Variants in ZDHHC23 observed in about 807,000 individuals in gnomAD.
ZDHHC23 encodes palmitoyltransferase ZDHHC23.
A neutral mutation model predicts 40.2 loss-of-function variants in ZDHHC23; 41 were observed. The ratio of observed to expected loss-of-function variants is 1.02; its 90% CI spans 0.79 to 1.32. ZDHHC23 has a LOEUF of 1.32. ZDHHC23 is among the 40% of genes most tolerant of loss of function. The pLI, the probability that ZDHHC23 is intolerant of heterozygous loss-of-function variation, is 0.00. For missense variants in ZDHHC23, 471 were observed against 541.5 expected, an observed-to-expected ratio of 0.87 and a Z score of 1.29; for synonymous variants, 204 against 210.2, an observed-to-expected ratio of 0.97 and a Z score of 0.26.
the ZDHHC23 span, among the ~76,000 whole-genome samples, chr3:113,975,691 G>A: frequency 6.6e-6 from 1 of 152,150 alleles, no homozygotes; most frequent in South Asian, 2.1e-4. Flanking sequence ...TGGTTAGGGA[G>A]GTGACATTTA....
the ZDHHC23 span, among the ~76,000 whole-genome samples, chr3:113,973,596 G>GTT: frequency 2.0e-3 from 285 of 145,564 alleles, 4 homozygotes; most frequent in East Asian, 0.016. Flanking sequence ...TGGATGGCAG[G>GTT]TTTTTTTTTT....
At chr3:113,975,129 A>G in the ZDHHC23 span, among the ~76,000 whole-genome samples, 1 of 152,268 alleles carries the variant, frequency 6.6e-6, no homozygotes, top group South Asian at 2.1e-4. Context: ...ATTACTACCT[A>G]CTTCATGTTC....
the ZDHHC23 span, among the ~76,000 whole-genome samples, chr3:113,975,000 G>A: frequency 6.6e-6 from 1 of 152,260 alleles, no homozygotes; most frequent in South Asian, 2.1e-4. Flanking sequence ...TAATAAGTAT[G>A]ATTTAAGTCA....
the ZDHHC23 span, among the ~76,000 whole-genome samples, chr3:113,971,680 G>A: frequency 1.3e-5 from 2 of 152,058 alleles, no homozygotes; most frequent in African/African-American, 4.8e-5. Flanking sequence ...GGCTAATGCT[G>A]GCCTGATAGA....
chr3:113,958,848 T>G lies in ZDHHC23; in HGVS notation c.*218T>G. 2.2e-6 allele frequency: 3 copies of G among 1,368,530 alleles called. No homozygotes were observed. Among genetic ancestry groups the G allele is most frequent in the African/African-American group, 1.4e-5 (1 of 69,030 alleles). 84.8% of individuals were successfully genotyped at this position (1,368,530 alleles called of 1,614,324 possible). ...TAAAAGTAGAGCCATTCCTTTCCAG[T>G]CACCTTTTTAATTGACTCAGTTGCC... On this transcript the variant is annotated 3_prime_UTR_variant, in exon 5 of 5. Coordinates refer to ENST00000638807, the MANE Select transcript of ZDHHC23 (RefSeq NM_001320466.2).
rs375992605 is a variant in ZDHHC23 at position 113,958,350 on chromosome 3, T to C, written c.1041-13T>C. ...AAAAACGGCAGCCCTGACAGCCTTTTTCCCTCTCCTAGCTCGGCTCTGTCC... is the reference window on the plus strand; with the variant it reads ...AAAAACGGCAGCCCTGACAGCCTTTCTCCCTCTCCTAGCTCGGCTCTGTCC... On this transcript the variant is annotated splice_polypyrimidine_tract_variant and intron_variant, in intron 4 of 4. Coordinates refer to ENST00000638807, the MANE Select transcript of ZDHHC23 (RefSeq NM_001320466.2). 4 of 1,591,654 alleles carry C rather than the reference T, an allele frequency of 2.5e-6. No homozygotes were observed. The African/African-American group carries it at 5.4e-5, about 21-fold the overall frequency.
rs1444367624 is a variant in ZDHHC23 at position 113,959,558 on chromosome 3, G to T, written c.*928G>T. 1 of 1,265,986 alleles carries T rather than the reference G, an allele frequency of 7.9e-7. No homozygotes were observed. 78.4% of individuals were successfully genotyped at this position (1,265,986 alleles called of 1,614,324 possible). On this transcript the variant is annotated 3_prime_UTR_variant, in exon 5 of 5. Transcript: ENST00000638807. ...CACACTTGTGACTGTGGCTGGAAGA[G>T]GAGAACAGACACTCCTGTGGGGATG...
At chr3:113,952,229 GC>G (rs981389791) in intron 2 of ZDHHC23, among the ~76,000 whole-genome samples, 99 of 152,250 alleles carry the variant, frequency 6.5e-4, no homozygotes, top group African/African-American at 2.2e-3. Context: ...GATTTCTACT[GC>G]CAAATATTCA....
chr3:113,960,859 C>A lies in ZDHHC23; in HGVS notation c.*2229C>A, dbSNP rs1939633860. ...TGGACAGTTGACAGAATGCTTAAAC[C>A]TGTCAAAAGATGAGTGATCTTGTGT... On this transcript the variant is annotated 3_prime_UTR_variant, in exon 5 of 5. Transcript: ENST00000638807. The A allele has an allele frequency of 7.1e-7, 1 of 1,414,902 alleles. No individual in the cohort carries two copies. Among genetic ancestry groups the A allele is most frequent in the Non-Finnish European group, 9.3e-7 (1 of 1,071,402 alleles). 87.6% of individuals were successfully genotyped at this position (1,414,902 alleles called of 1,614,324 possible).
intron 2 of ZDHHC23, among the ~76,000 whole-genome samples, chr3:113,950,539 G>C (rs541544666): frequency 6.6e-6 from 1 of 151,908 alleles, no homozygotes; most frequent in East Asian, 1.9e-4. Flanking sequence ...CCTCCTTAAG[G>C]TCTCACCTCT....
the ZDHHC23 span, chr3:113,978,746 C>A: frequency 1.4e-5 from 17 of 1,178,670 alleles, no homozygotes; most frequent in African/African-American, 1.1e-4. Flanking sequence ...ATTGACTACT[C>A]TTTTGTTCTT....
In ZDHHC23 at chr3:113,959,508, C is replaced by T. The variant is rs543171480; in HGVS notation, c.*878C>T. The T allele has an allele frequency of 1.0e-5, 13 of 1,276,218 alleles. No individual in the cohort carries two copies. The Admixed American group carries it at 2.5e-4, about 25-fold the overall frequency. 79.1% of individuals were successfully genotyped at this position (1,276,218 alleles called of 1,614,324 possible). ...GGCATTCATGTGTTTTTCCTCTTCC[C>T]ATGTTTCACCAGGTAAGGTGCTAGC... On this transcript the variant is annotated 3_prime_UTR_variant, in exon 5 of 5. Transcript: ENST00000638807.
chr3:113,978,795 T>C, the ZDHHC23 span: 4 of 1,535,032 alleles, frequency 2.6e-6, no homozygotes, highest in South Asian at 1.2e-5. Context: ...GGATTTCATT[T>C]AGTTTTCTTA....
At position 113,954,350 on chromosome 3, in the gene ZDHHC23, G is replaced by A. The variant is rs1248132766; in HGVS notation, c.812G>A (p.Arg271Gln). ...CAKCQLVRPA[R>Q]AWHCRICGIC... is the part of the protein sequence containing the mutation. Reference sequence around the variant, plus strand: ...AAGTGCCAGCTGGTGCGACCAGCCCGGGCATGGCACTGCCGGATATGTGGC... The same window carrying A: ...AAGTGCCAGCTGGTGCGACCAGCCCAGGCATGGCACTGCCGGATATGTGGC... Residue 271 changes from arginine to glutamine, a missense_variant, in exon 3 of 5, where the codon CGG becomes CAG. Physicochemically the swap from Arg to Gln is conservative, Grantham distance 43 (BLOSUM62 1). Transcript: ENST00000638807. 2.5e-6 allele frequency: 4 copies of A among 1,613,184 alleles called. No individual in the cohort carries two copies. The highest frequency in any genetic ancestry group is 1.1e-5 in the South Asian group (1 of 91,020).
At chr3:113,956,204 G>A (rs1157425940) in intron 3 of ZDHHC23, 135 bp from the exon 4 acceptor site, 16 of 906,214 alleles carry the variant, frequency 1.8e-5, no homozygotes, top group Admixed American at 2.5e-5. Context: ...CCAAGATCGC[G>A]CCATTGCACT....
chr3:113,978,166 CCTCA>C, the ZDHHC23 span: 5 of 1,612,852 alleles, frequency 3.1e-6, no homozygotes, highest in East Asian at 2.2e-5. Flanking sequence ...AGTGAATTTT[CCTCA>C]CTATCAAAAC....
the ZDHHC23 span, among the ~76,000 whole-genome samples, chr3:113,970,798 A>G: frequency 3.8e-4 from 57 of 151,096 alleles, no homozygotes; most frequent in Admixed American, 2.9e-3. Context: ...ATTCCCACCT[A>G]TGAGTGAGAA....
Position 113,959,460 on chromosome 3 carries a change from GT to G in ZDHHC23, c.*833del. 1 of 1,257,036 alleles carries G rather than the reference GT, an allele frequency of 8.0e-7. No homozygotes were observed. 77.9% of individuals were successfully genotyped at this position (1,257,036 alleles called of 1,614,324 possible). On this transcript the variant is annotated 3_prime_UTR_variant, in exon 5 of 5. Transcript: ENST00000638807. ...TTTATATTTTATAAATTCTGCTTGG[GT>G]TTCTTATAAATAACTCCAACAGGCA...
chr3:113,949,319 C>T (rs1938441369), intron 2 of ZDHHC23, among the ~76,000 whole-genome samples: 1 of 152,214 alleles, frequency 6.6e-6, no homozygotes, highest in South Asian at 2.1e-4. Context: ...TTCCTGCCTT[C>T]TCAGAGGTCT....
Sources: allele counts gnomAD v4.1 joint callset (sites outside exome capture counted in the v4.1 genomes callset), GRCh38; gene constraint gnomAD v4.1.1; transcripts MANE v1.5; gene names NCBI Gene and HGNC (gene_info 2026-07-23, HGNC 2026-07-21).